Variants in CHN2 observed in about 807,000 individuals in gnomAD.
CHN2 encodes chimerin 2.
A neutral mutation model predicts 56.3 loss-of-function variants in CHN2; 35 were observed. The observed-to-expected ratio is 0.62, with a 90% CI of 0.47 to 0.82. CHN2 has a LOEUF of 0.82. Ranked by LOEUF, CHN2 falls within the 40% of genes least tolerant of loss-of-function variation. The pLI is 0.00. For synonymous variants in CHN2, 210 were observed against 212.8 expected (o/e 0.99, Z 0.12); for missense variants, 491 against 580.5 (o/e 0.85, Z 1.58).
chr7:29,224,817 A>G (rs1004372406), intron 1 of CHN2, among the ~76,000 whole-genome samples: 1 of 152,234 alleles, frequency 6.6e-6, no homozygotes, highest in African/African-American at 2.4e-5. Context: ...TATTTGTTAT[A>G]TGCCTTATGC....
chr7:29,215,975 G>A (rs1160694507), intron 1 of CHN2, among the ~76,000 whole-genome samples: 1 of 152,096 alleles, frequency 6.6e-6, no homozygotes, highest in East Asian at 1.9e-4. Context: ...AAAATCCCCA[G>A]GTGGAGTTTG....
intron 4 of CHN2, among the ~76,000 whole-genome samples, chr7:29,394,708 C>T (rs2214500): frequency 0.11 from 17,340 of 152,174 alleles, 2,002 homozygotes; most frequent in African/African-American, 0.29. Context: ...TTTTTTTCCT[C>T]AGTATGCTTA....
At chr7:29,154,539 A>G (rs1160031863) in intron 2 of CHN2, among the ~76,000 whole-genome samples, 1 of 152,208 alleles carries the variant, frequency 6.6e-6, no homozygotes, top group Admixed American at 6.5e-5. Flanking sequence ...TATTTAAAGA[A>G]GTATTATTAT....
At chr7:29,305,869 A>G (rs1251245965) in intron 1 of CHN2, among the ~76,000 whole-genome samples, 2 of 95,964 alleles carry the variant, frequency 2.1e-5, no homozygotes, top group Non-Finnish European at 4.6e-5. Context: ...CCCTCTTTCT[A>G]CCCCTCCAAC....
chr7:29,350,031 T>G (rs1480052307), intron 1 of CHN2, among the ~76,000 whole-genome samples: 1 of 152,212 alleles, frequency 6.6e-6, no homozygotes, highest in African/African-American at 2.4e-5. Flanking sequence ...TAATTTTCTT[T>G]CTTTATTTTA....
In CHN2 at chr7:29,409,850, A is replaced by T. The variant is rs77020002; in HGVS notation, c.576+9022A>T. Among the ~76,000 whole-genome samples, 376 of 152,298 alleles carry T rather than the reference A, an allele frequency of 2.5e-3. 3 individuals carry two copies. The highest frequency in any genetic ancestry group is 8.8e-3 in the African/African-American group (367 of 41,566). On this transcript the variant is annotated intron_variant, in intron 6 of 12. Coordinates refer to ENST00000222792, the MANE Select transcript of CHN2 (RefSeq NM_004067.4). Reference sequence around the variant, plus strand: ...AGCTTTTCAAGATGTTTATATTTTGACATCTCCAGAGTGGTGTTTGAGAGG... The same window carrying T: ...AGCTTTTCAAGATGTTTATATTTTGTCATCTCCAGAGTGGTGTTTGAGAGG...
chr7:29,309,223 G>A (rs968915354), intron 1 of CHN2, among the ~76,000 whole-genome samples: 7 of 152,068 alleles, frequency 4.6e-5, no homozygotes, highest in African/African-American at 1.4e-4. Context: ...TTTGGCCTAC[G>A]GTTCAAAAAG....
At chr7:29,489,828 A>G (rs542758728) in intron 7 of CHN2, among the ~76,000 whole-genome samples, 82 of 152,342 alleles carry the variant, frequency 5.4e-4, no homozygotes, top group African/African-American at 1.9e-3. Context: ...GACAGTGATA[A>G]TAAGCATTAA....
At chr7:29,340,043 T>A (rs961054620) in intron 1 of CHN2, among the ~76,000 whole-genome samples, 25 of 152,188 alleles carry the variant, frequency 1.6e-4, no homozygotes, top group Admixed American at 3.3e-4. Flanking sequence ...ACTTTACAAT[T>A]TTTTTTCTTT....
intron 2 of CHN2, among the ~76,000 whole-genome samples, chr7:29,177,548 C>T (rs926230855): frequency 5.3e-5 from 8 of 150,462 alleles, no homozygotes; most frequent in African/African-American, 2.0e-4. Flanking sequence ...CCCACCGTGC[C>T]TGGCCCCCTC....
chr7:29,499,945 A>G lies in CHN2; in HGVS notation c.818A>G (p.Lys273Arg). 6.2e-7 allele frequency: 1 copy of G among 1,613,270 alleles called. No homozygotes were observed. Among genetic ancestry groups the G allele is most frequent in the South Asian group, 1.1e-5 (1 of 90,876 alleles). The change falls in exon 9 of 13, where the codon AAA becomes AGA. Residue 273 changes from lysine to arginine, a missense_variant. Physicochemically the swap from Lys to Arg is conservative, Grantham distance 26. Coordinates refer to ENST00000222792, the MANE Select transcript of CHN2 (RefSeq NM_004067.4). ...DCQPDLKRIK[K>R]VYCCDLTTLV... ...CAACCTGATCTCAAGAGGATCAAGA[A>G]AGTGTACTGTTGTGACCTCACAACA...
At chr7:29,188,701 G>T (rs1799014592) in intron 2 of CHN2, among the ~76,000 whole-genome samples, 1 of 152,078 alleles carries the variant, frequency 6.6e-6, no homozygotes, top group Non-Finnish European at 1.5e-5. Context: ...CTGTGGATAA[G>T]AAAATGCCAG....
chr7:29,200,483 C>CG (rs1324830445), intron 1 of CHN2, among the ~76,000 whole-genome samples: 15 of 143,028 alleles, frequency 1.0e-4, no homozygotes, highest in African/African-American at 3.4e-4. Context: ...CTTCCCCCCC[C>CG]CTTTTGTCTC....
intron 1 of CHN2, among the ~76,000 whole-genome samples, chr7:29,293,539 C>T (rs1792849915): frequency 6.6e-6 from 1 of 152,212 alleles, no homozygotes; most frequent in Non-Finnish European, 1.5e-5. Flanking sequence ...TCTGTCTTTA[C>T]ATCACGCTCC....
intron 7 of CHN2, among the ~76,000 whole-genome samples, chr7:29,494,781 A>G (rs1184652859): frequency 6.6e-6 from 1 of 152,000 alleles, no homozygotes; most frequent in Non-Finnish European, 1.5e-5. Flanking sequence ...TCCTTAGAAG[A>G]GATCCAGATC....
At chr7:29,458,039 C>T (rs562072322) in intron 6 of CHN2, among the ~76,000 whole-genome samples, 2 of 152,316 alleles carry the variant, frequency 1.3e-5, no homozygotes, top group Non-Finnish European at 2.9e-5. Context: ...TTAAAAACAG[C>T]TTTCATGCAT....
chr7:29,273,677 AT>A (rs1790944388), intron 1 of CHN2, among the ~76,000 whole-genome samples: 2 of 151,890 alleles, frequency 1.3e-5, no homozygotes, highest in African/African-American at 4.8e-5. Flanking sequence ...TGTTGCCAAC[AT>A]TTGTTGCCTC....
At chr7:29,355,507 A>G (rs542327682) in intron 2 of CHN2, among the ~76,000 whole-genome samples, 30 of 152,072 alleles carry the variant, frequency 2.0e-4, no homozygotes, top group Admixed American at 4.6e-4. Context: ...ATCATTGCCT[A>G]AGCCTTGTCT....
chr7:29,331,749 G>C (rs1022224111), intron 1 of CHN2, among the ~76,000 whole-genome samples: 1 of 152,184 alleles, frequency 6.6e-6, no homozygotes, highest in Admixed American at 6.5e-5. Context: ...AAGAACACAA[G>C]TGCAATGTTC....
Sources: gnomAD v4.1 joint callset for allele counts (sites outside exome capture counted in the v4.1 genomes callset) on GRCh38, gnomAD v4.1.1 for gene constraint, MANE v1.5 for transcripts, NCBI Gene and HGNC (gene_info 2026-07-23, HGNC 2026-07-21) for gene names.